Variants in ERC1 observed in about 807,000 individuals in gnomAD.
ERC1 encodes RAB6 interacting protein 2.
Under a neutral mutation model 132.0 loss-of-function variants are expected in ERC1, and 56 were observed. The ratio of observed to expected loss-of-function variants is 0.42; its 90% CI spans 0.34 to 0.53. ERC1 has a LOEUF of 0.53. Ranked by LOEUF, ERC1 falls within the 20% of genes least tolerant of loss-of-function variation. ERC1 has a pLI of 0.03. For missense variants in ERC1, 1,202 were observed against 1,349.9 expected (o/e 0.89, Z 1.72); for synonymous variants, 478 against 476.1 (o/e 1.00, Z -0.05).
intron 8 of ERC1, among the ~76,000 whole-genome samples, chr12:1,179,102 TTGTACTTGAGTGATAACATGCCGCTTGC>T (rs770331105): frequency 5.3e-5 from 8 of 152,232 alleles, no homozygotes; most frequent in Non-Finnish European, 1.0e-4. Flanking sequence ...TTGAGTCTCC[TTGTACTTGAGTGATAACATGCCGCTTGC>T]TGTACTTGAG....
intron 17 of ERC1, among the ~76,000 whole-genome samples, chr12:1,421,535 T>G (rs1191277171): frequency 1.3e-5 from 2 of 152,160 alleles, no homozygotes; most frequent in Non-Finnish European, 2.9e-5. Flanking sequence ...TTGAGTCAGT[T>G]CCTTGGTATG....
chr12:1,161,047 C>T (rs1005619740), intron 8 of ERC1, among the ~76,000 whole-genome samples: 4 of 152,136 alleles, frequency 2.6e-5, no homozygotes, highest in African/African-American at 9.7e-5. Flanking sequence ...TGTAGTTGTA[C>T]AGTCAAAATT....
intron 12 of ERC1, 188 bp downstream of exon 12, chr12:1,190,240 T>C: frequency 1.4e-6 from 1 of 732,810 alleles, no homozygotes; most frequent in East Asian, 2.6e-5. Flanking sequence ...AAAGGCAACA[T>C]AGAATGGGAA....
intron 12 of ERC1, among the ~76,000 whole-genome samples, chr12:1,208,049 C>G (rs1042018605): frequency 6.6e-6 from 1 of 152,136 alleles, no homozygotes; most frequent in Non-Finnish European, 1.5e-5. Context: ...ATGCTATCAC[C>G]TTCTTTATCT....
chr12:1,186,291 G>T (rs1018782384), intron 11 of ERC1, among the ~76,000 whole-genome samples: 6 of 152,186 alleles, frequency 3.9e-5, no homozygotes, highest in Non-Finnish European at 8.8e-5. Context: ...TGGTGAAAAT[G>T]TTGATTTCTA....
At chr12:1,451,005 C>CTGT (rs959109075) in intron 18 of ERC1, among the ~76,000 whole-genome samples, 5 of 152,074 alleles carry the variant, frequency 3.3e-5, no homozygotes, top group Admixed American at 1.3e-4. Flanking sequence ...ATCAGGTTTT[C>CTGT]TGTTGTTGTT....
chr12:1,125,317 A>C (rs1402003176), intron 7 of ERC1, among the ~76,000 whole-genome samples: 1 of 152,102 alleles, frequency 6.6e-6, no homozygotes, highest in Non-Finnish European at 1.5e-5. Flanking sequence ...TTTCTATCAA[A>C]TATTTAAAAA....
intron 2 of ERC1, among the ~76,000 whole-genome samples, chr12:1,035,935 T>TA (rs544266718): frequency 1.5e-4 from 22 of 148,900 alleles, no homozygotes; most frequent in Middle Eastern, 3.4e-3. Flanking sequence ...AAAAAAAAAA[T>TA]ACTTTGGATG....
intron 15 of ERC1, among the ~76,000 whole-genome samples, chr12:1,319,874 G>A (rs1283282159): frequency 6.6e-6 from 1 of 152,078 alleles, no homozygotes; most frequent in Non-Finnish European, 1.5e-5. Context: ...TGATAGAAAT[G>A]GAATAGCATA....
intron 12 of ERC1, among the ~76,000 whole-genome samples, chr12:1,202,985 A>G (rs1957046406): frequency 6.6e-6 from 1 of 152,252 alleles, no homozygotes; most frequent in Admixed American, 6.5e-5. Context: ...CTAAACGTTC[A>G]TGGAGTTTTA....
chr12:1,133,355 G>A (rs758431454), intron 7 of ERC1, among the ~76,000 whole-genome samples: 44 of 152,280 alleles, frequency 2.9e-4, no homozygotes, highest in Non-Finnish European at 5.9e-4. Context: ...TAACTGTGTA[G>A]AAGGGTCACC....
At chr12:1,431,569 C>T (rs141419782) in intron 17 of ERC1, among the ~76,000 whole-genome samples, 16 of 152,148 alleles carry the variant, frequency 1.1e-4, no homozygotes, top group African/African-American at 2.2e-4. Flanking sequence ...AATTGCATAA[C>T]GATTTTATTT....
chr12:1,173,704 A>G (rs143825078), intron 8 of ERC1, among the ~76,000 whole-genome samples: 1 of 152,374 alleles, frequency 6.6e-6, no homozygotes, highest in African/African-American at 2.4e-5. Flanking sequence ...AGTAAACAGC[A>G]TTTATAACCT....
chr12:1,342,337 C>T (rs1223495162), intron 15 of ERC1, among the ~76,000 whole-genome samples: 1 of 151,844 alleles, frequency 6.6e-6, no homozygotes, highest in African/African-American at 2.4e-5. Flanking sequence ...CATGGTGGCA[C>T]ACGCCTGTAA....
chr12:1,046,415 A>G (rs1971087813), intron 2 of ERC1, among the ~76,000 whole-genome samples: 1 of 152,234 alleles, frequency 6.6e-6, no homozygotes, highest in Non-Finnish European at 1.5e-5. Context: ...TGATTAAAAA[A>G]TTAATATATT....
At chr12:1,328,331 G>A (rs1440568578) in intron 15 of ERC1, among the ~76,000 whole-genome samples, 1 of 151,824 alleles carries the variant, frequency 6.6e-6, no homozygotes, top group African/African-American at 2.4e-5. Flanking sequence ...TTTGTTAGAA[G>A]TGAAGCCTCA....
At chr12:1,062,968 G>GT (rs1938328794) in intron 2 of ERC1, among the ~76,000 whole-genome samples, 1 of 152,082 alleles carries the variant, frequency 6.6e-6, no homozygotes, top group Non-Finnish European at 1.5e-5. Flanking sequence ...CCCTTTTTAT[G>GT]TTTTTTGACT....
At chr12:1,207,521 C>A (rs1255818952) in intron 12 of ERC1, among the ~76,000 whole-genome samples, 3 of 152,104 alleles carry the variant, frequency 2.0e-5, no homozygotes, top group Non-Finnish European at 4.4e-5. Context: ...AATAATAGTG[C>A]CTAGTGTTTT....
chr12:1,422,766 C>T (rs2092474866), intron 17 of ERC1, among the ~76,000 whole-genome samples: 2 of 152,132 alleles, frequency 1.3e-5, no homozygotes. Context: ...TGCTGAAAAC[C>T]CTCCATGCTG....
Sources: allele counts gnomAD v4.1 joint callset (sites outside exome capture counted in the v4.1 genomes callset), GRCh38; gene constraint gnomAD v4.1.1; transcripts MANE v1.5; gene names NCBI Gene and HGNC (gene_info 2026-07-23, HGNC 2026-07-21).